Variants in PDCD1LG2 observed in about 807,000 individuals in gnomAD.
The protein encoded by PDCD1LG2 is B7 dendritic cell molecule.
In PDCD1LG2, 32 loss-of-function variants were observed where a neutral mutation model predicts 28.2. The observed-to-expected ratio is 1.13, with a 90% confidence interval of 0.86 to 1.52. The LOEUF is 1.52. PDCD1LG2 is among the 40% of genes most tolerant of loss of function. PDCD1LG2 has a pLI of 0.00. For missense variants in PDCD1LG2, 385 were observed against 323.8 expected, an observed-to-expected ratio of 1.19 and a Z score of -1.45; for synonymous variants, 116 against 120.2, an observed-to-expected ratio of 0.97 and a Z score of 0.23.
intron 3 of PDCD1LG2, among the ~76,000 whole-genome samples, chr9:5,539,630 C>T (rs956425722): frequency 3.2e-4 from 48 of 152,110 alleles, no homozygotes; most frequent in African/African-American, 1.1e-3. Context: ...GAGGAAGGGG[C>T]GGGAGCATGG....
chr9:5,523,905 G>A (rs1471948733), intron 2 of PDCD1LG2, among the ~76,000 whole-genome samples: 3 of 152,188 alleles, frequency 2.0e-5, no homozygotes, highest in African/African-American at 7.2e-5. Flanking sequence ...TAGGAAAGGA[G>A]TGAGCTAGGG....
At chr9:5,568,083 A>G (rs908603373) in intron 6 of PDCD1LG2, among the ~76,000 whole-genome samples, 5 of 152,210 alleles carry the variant, frequency 3.3e-5, no homozygotes, top group Non-Finnish European at 5.9e-5. Flanking sequence ...TTTTGGCACT[A>G]TAAACCTTTC....
intron 2 of PDCD1LG2, among the ~76,000 whole-genome samples, chr9:5,526,111 T>C (rs1256273282): frequency 6.6e-6 from 1 of 151,966 alleles, no homozygotes; most frequent in Non-Finnish European, 1.5e-5. Context: ...CAGTTACCTC[T>C]GGTGCAGGCA....
intron 1 of PDCD1LG2, among the ~76,000 whole-genome samples, chr9:5,521,865 C>G (rs1396688571): frequency 6.6e-6 from 1 of 152,110 alleles, no homozygotes; most frequent in Non-Finnish European, 1.5e-5. Context: ...ATAAGAAGTC[C>G]ATGGATAAAG....
intron 2 of PDCD1LG2, among the ~76,000 whole-genome samples, chr9:5,530,059 T>TA (rs1820453172): frequency 6.8e-6 from 1 of 146,878 alleles, no homozygotes; most frequent in Non-Finnish European, 1.5e-5. Context: ...ATGTGGGGGA[T>TA]AAAATATAAA....
chr9:5,543,538 CAAA>C (rs139524609), intron 3 of PDCD1LG2, among the ~76,000 whole-genome samples: 2 of 73,688 alleles, frequency 2.7e-5, no homozygotes, highest in Admixed American at 1.5e-4. Context: ...GACTCCGTCT[CAAA>C]AAAAAAAAAA....
At chr9:5,565,611 G>A (rs895580838) in intron 6 of PDCD1LG2, among the ~76,000 whole-genome samples, 1 of 152,092 alleles carries the variant, frequency 6.6e-6, no homozygotes, top group Non-Finnish European at 1.5e-5. Context: ...GTTATTTTCT[G>A]GCTGCTTCTA....
chr9:5,523,481 C>G (rs1820315657), intron 2 of PDCD1LG2, among the ~76,000 whole-genome samples: 1 of 152,212 alleles, frequency 6.6e-6, no homozygotes, highest in South Asian at 2.1e-4. Context: ...TTCCAGATCA[C>G]TCTTCACCCA....
intron 6 of PDCD1LG2, among the ~76,000 whole-genome samples, chr9:5,564,596 T>C (rs145926402): frequency 6.6e-6 from 1 of 152,342 alleles, no homozygotes; most frequent in East Asian, 1.9e-4. Flanking sequence ...GGCACCAGCA[T>C]ACCACTGCCA....
At chr9:5,564,235 T>C (rs1816621441) in intron 6 of PDCD1LG2, among the ~76,000 whole-genome samples, 1 of 152,238 alleles carries the variant, frequency 6.6e-6, no homozygotes, top group Non-Finnish European at 1.5e-5. Context: ...CCAACCTAGA[T>C]TGCATGCAGA....
intron 4 of PDCD1LG2, among the ~76,000 whole-genome samples, chr9:5,551,345 A>G (rs1816328016): frequency 6.6e-6 from 1 of 152,234 alleles, no homozygotes; most frequent in South Asian, 2.1e-4. Flanking sequence ...GCCTATGATA[A>G]GGACTTGTGT....
chr9:5,543,375 T>C (rs1820726050), intron 3 of PDCD1LG2, among the ~76,000 whole-genome samples: 1 of 151,840 alleles, frequency 6.6e-6, no homozygotes, highest in South Asian at 2.1e-4. Context: ...CCGTCTCTAC[T>C]AAAAATACAA....
Position 5,534,725 on chromosome 9 carries a change from A to C in PDCD1LG2, c.56-20A>C, listed in dbSNP as rs779420690. The C allele has an allele frequency of 5.8e-5, 91 of 1,570,494 alleles. 1 individual carries two copies. The South Asian group carries it at 1.1e-3, about 18-fold the overall frequency. ...TAAAGTAAAGGCAGACAATGACAAA[A>C]TATCTTGTTTTCTTTTCAGCTTTAT... On this transcript the variant is annotated intron_variant, in intron 2 of 6. Coordinates refer to ENST00000397747, the MANE Select transcript of PDCD1LG2 (RefSeq NM_025239.4).
intron 2 of PDCD1LG2, among the ~76,000 whole-genome samples, chr9:5,531,578 G>A (rs1820485224): frequency 6.6e-6 from 1 of 152,154 alleles, no homozygotes; most frequent in African/African-American, 2.4e-5. Flanking sequence ...AGGAAAAATA[G>A]GAAGAAAATG....
At chr9:5,563,090 C>A (rs909525338) in intron 5 of PDCD1LG2, 72 bp from the exon 6 acceptor site, 1 of 1,194,260 alleles carries the variant, frequency 8.4e-7, no homozygotes, top group Non-Finnish European at 1.2e-6. Context: ...TTTTGTCCTG[C>A]CATATTTTAA....
intron 1 of PDCD1LG2, 67 bp from the exon 2 acceptor site, chr9:5,522,466 G>A (rs935622755): frequency 1.3e-5 from 16 of 1,260,084 alleles, no homozygotes; most frequent in Middle Eastern, 3.8e-4. Context: ...GTTTTCAAAA[G>A]TGAACAAAGA....
At chr9:5,534,717 A>G (rs1820546500) in intron 2 of PDCD1LG2, 28 bp from the exon 3 acceptor site, 4 of 1,560,160 alleles carry the variant, frequency 2.6e-6, no homozygotes, top group African/African-American at 1.4e-5. Context: ...AAGGCAGACA[A>G]TGACAAAATA....
intron 1 of PDCD1LG2, among the ~76,000 whole-genome samples, chr9:5,519,340 G>A (rs1056943037): frequency 2.6e-5 from 4 of 152,166 alleles, no homozygotes; most frequent in African/African-American, 9.7e-5. Flanking sequence ...TTTGAAAGGT[G>A]TGCTCATGGG....
intron 1 of PDCD1LG2, among the ~76,000 whole-genome samples, chr9:5,513,225 C>T (rs1478201951): frequency 6.6e-6 from 1 of 152,232 alleles, no homozygotes; most frequent in Admixed American, 6.5e-5. Flanking sequence ...TTACTCTGTT[C>T]ATTGTCCCCT....
Sources: gnomAD v4.1 joint callset for allele counts (sites outside exome capture counted in the v4.1 genomes callset) on GRCh38, gnomAD v4.1.1 for gene constraint, MANE v1.5 for transcripts, NCBI Gene and HGNC (gene_info 2026-07-23, HGNC 2026-07-21) for gene names.